Variants in STARD13 observed in about 807,000 individuals in gnomAD.
STARD13 encodes the protein stAR-related lipid transfer protein 13.
Under a neutral mutation model 106.4 loss-of-function variants are expected in STARD13, and 62 were observed. The observed-to-expected ratio is 0.58, with a 90% confidence interval of 0.48 to 0.72. The LOEUF (loss-of-function observed/expected upper bound fraction) is 0.72. STARD13 is among the 30% of genes least tolerant of loss of function. STARD13 has a pLI of 0.00. For missense variants in STARD13, 1,387 were observed against 1,424.0 expected (o/e 0.97, Z 0.42); for synonymous variants, 565 against 553.0 (o/e 1.02, Z -0.31).
chr13:33,489,708 A>T, the STARD13 span, among the ~76,000 whole-genome samples: 4 of 152,214 alleles, frequency 2.6e-5, no homozygotes, highest in South Asian at 8.3e-4. Context: ...AATTTTATTA[A>T]TCTGAACAAT....
chr13:33,174,391 T>G (rs17078706), intron 1 of STARD13, among the ~76,000 whole-genome samples: 14,041 of 152,082 alleles, frequency 0.092, 1,540 homozygotes, highest in African/African-American at 0.26. Context: ...CTAGGAGGCA[T>G]ACCCTTCCCA....
chr13:33,612,382 A>G, the STARD13 span, among the ~76,000 whole-genome samples: 98 of 152,224 alleles, frequency 6.4e-4, 1 homozygote, highest in East Asian at 0.019. Flanking sequence ...CAAACCTACA[A>G]TGTGAATGAT....
chr13:33,238,816 C>T (rs1340717448), intron 1 of STARD13, among the ~76,000 whole-genome samples: 1 of 151,972 alleles, frequency 6.6e-6, no homozygotes, highest in Non-Finnish European at 1.5e-5. Context: ...CCTATGATAT[C>T]CCCATGAGGT....
chr13:33,357,812 A>G, the STARD13 span, among the ~76,000 whole-genome samples: 8 of 152,210 alleles, frequency 5.3e-5, no homozygotes, highest in Non-Finnish European at 1.2e-4. Flanking sequence ...AGGTGACAGC[A>G]TGCTGGCAGT....
the STARD13 span, among the ~76,000 whole-genome samples, chr13:33,540,601 T>A: frequency 6.6e-6 from 1 of 152,222 alleles, no homozygotes; most frequent in Non-Finnish European, 1.5e-5. Context: ...AGTTGGTAAC[T>A]GAAACTATGG....
intron 4 of STARD13, among the ~76,000 whole-genome samples, chr13:33,141,195 A>G (rs899497644): frequency 6.6e-6 from 1 of 152,256 alleles, no homozygotes; most frequent in African/African-American, 2.4e-5. Flanking sequence ...AAAAAGAATC[A>G]ATTCAGTGAA....
At chr13:33,526,347 A>T in the STARD13 span, among the ~76,000 whole-genome samples, 3 of 152,116 alleles carry the variant, frequency 2.0e-5, no homozygotes, top group East Asian at 5.8e-4. Context: ...GTTTCATAAA[A>T]TAAATATGGA....
At chr13:33,243,922 G>A (rs1282251116) in intron 1 of STARD13, among the ~76,000 whole-genome samples, 2 of 152,018 alleles carry the variant, frequency 1.3e-5, no homozygotes, top group Non-Finnish European at 2.9e-5. Flanking sequence ...ATGGCTTCCA[G>A]GTCTCTAACT....
At chr13:33,618,393 T>C in the STARD13 span, among the ~76,000 whole-genome samples, 1 of 152,134 alleles carries the variant, frequency 6.6e-6, no homozygotes, top group South Asian at 2.1e-4. Flanking sequence ...AAATTTAAAA[T>C]GGGTAAAATA....
the STARD13 span, among the ~76,000 whole-genome samples, chr13:33,664,691 A>G: frequency 1.3e-5 from 2 of 152,124 alleles, no homozygotes; most frequent in African/African-American, 4.8e-5. Context: ...CAGTAGCCCA[A>G]TTTCAGCTCA....
chr13:33,143,252 C>T (rs1229694240), intron 3 of STARD13, among the ~76,000 whole-genome samples: 1 of 152,206 alleles, frequency 6.6e-6, no homozygotes, highest in East Asian at 1.9e-4. Context: ...AAAGATGTTA[C>T]CCAGCATTTC....
the STARD13 span, among the ~76,000 whole-genome samples, chr13:33,368,860 A>T: frequency 6.6e-6 from 1 of 151,508 alleles, no homozygotes; most frequent in African/African-American, 2.4e-5. Context: ...CCTCCAGGAA[A>T]CTCTTCTGGA....
chr13:33,228,678 G>A (rs1418518665), intron 1 of STARD13, among the ~76,000 whole-genome samples: 16 of 152,184 alleles, frequency 1.1e-4, no homozygotes, highest in Admixed American at 7.9e-4. Flanking sequence ...TTGCTAATTC[G>A]GACATGGGTC....
intron 1 of STARD13, among the ~76,000 whole-genome samples, chr13:33,302,469 G>A (rs1892756977): frequency 1.3e-5 from 2 of 152,228 alleles, no homozygotes; most frequent in Admixed American, 1.3e-4. Context: ...AGAATGGAGT[G>A]CAGTGGCGTG....
At chr13:33,477,860 GAA>G in the STARD13 span, among the ~76,000 whole-genome samples, 21 of 152,268 alleles carry the variant, frequency 1.4e-4, no homozygotes, top group Admixed American at 6.5e-4. Context: ...TAACAATTGA[GAA>G]AGTTACATTT....
chr13:33,347,449 G>A (rs1822485030), downstream of STARD13, among the ~76,000 whole-genome samples: 1 of 152,092 alleles, frequency 6.6e-6, no homozygotes, highest in African/African-American at 2.4e-5. Flanking sequence ...GTTTCACTAT[G>A]TTGGCCAGGC....
At chr13:33,207,797 C>T (rs1279584974) in intron 1 of STARD13, among the ~76,000 whole-genome samples, 1 of 152,120 alleles carries the variant, frequency 6.6e-6, no homozygotes, top group African/African-American at 2.4e-5. Context: ...CTGTAGCTGG[C>T]CAGAAGTCAG....
the STARD13 span, among the ~76,000 whole-genome samples, chr13:33,668,224 G>A: frequency 6.6e-6 from 1 of 152,122 alleles, no homozygotes; most frequent in Admixed American, 6.6e-5. Context: ...GAAACACTTT[G>A]CACCTACCTA....
the STARD13 span, chr13:33,524,383 A>C: frequency 1.4e-6 from 1 of 715,454 alleles, no homozygotes; most frequent in Non-Finnish European, 1.9e-6. Context: ...CTGTAAAAAA[A>C]TTTTTTAAAG....
Sources: gnomAD v4.1 joint callset for allele counts (sites outside exome capture counted in the v4.1 genomes callset) on GRCh38, gnomAD v4.1.1 for gene constraint, MANE v1.5 for transcripts, NCBI Gene and HGNC (gene_info 2026-07-23, HGNC 2026-07-21) for gene names.